The following IRAG1 variants were observed in gnomAD, a reference collection of about 807,000 sequenced individuals.
The protein encoded by IRAG1 is inositol 1,4,5-triphosphate receptor associated 1, also known as IP3R-associated cGMP kinase substrate.
IRAG1 carries 62 observed loss-of-function variants against 106.2 expected under a neutral mutation model. The observed-to-expected ratio is 0.58, with a 90% CI of 0.48 to 0.72. The LOEUF is 0.72. Among genes scored for constraint, IRAG1 ranks in the 30% least tolerant of loss-of-function variants. The pLI is 0.00. For synonymous variants in IRAG1, 462 were observed against 443.9 expected, an observed-to-expected ratio of 1.04 and a Z score of -0.51; for missense variants, 1,064 against 1,140.7, an observed-to-expected ratio of 0.93 and a Z score of 0.97.
At chr11:10,645,231 C>T (rs1333075848) in intron 2 of IRAG1, among the ~76,000 whole-genome samples, 2 of 151,660 alleles carry the variant, frequency 1.3e-5, no homozygotes, top group African/African-American at 4.9e-5. Flanking sequence ...GAATAATCAT[C>T]CCTTGCCTCT....
rs1368620198 is a variant in IRAG1 at position 10,626,456 on chromosome 11, A to C, written c.878T>G (p.Phe293Cys). ...KEIAIEQKEN[F>C]DPLQYPETTP... Reference sequence around the variant, plus strand: ...GGTCTCGGGGTACTGGAGGGGATCGAAGTTTTCCTTTTGTTCTATTGCAAT... The same window carrying C: ...GGTCTCGGGGTACTGGAGGGGATCGCAGTTTTCCTTTTGTTCTATTGCAAT... Residue 293 changes from phenylalanine to cysteine, a missense_variant, in exon 9 of 21, where the codon TTC (phenylalanine) becomes TGC (cysteine). Transcript: ENST00000423302. 9 of 1,613,762 alleles carry C rather than the reference A, an allele frequency of 5.6e-6. No individual in the cohort carries two copies. The African/African-American group carries it at 8.0e-5, about 14-fold the overall frequency.
intron 15 of IRAG1, among the ~76,000 whole-genome samples, chr11:10,599,189 T>C (rs1449008619): frequency 3.9e-5 from 6 of 152,236 alleles, no homozygotes; most frequent in Admixed American, 3.9e-4. Context: ...TCTTCTGTCA[T>C]AGCACTGGCT....
chr11:10,621,077 G>C (rs1855802747), intron 10 of IRAG1, among the ~76,000 whole-genome samples: 1 of 152,204 alleles, frequency 6.6e-6, no homozygotes, highest in Non-Finnish European at 1.5e-5. Flanking sequence ...TTTCAGAATT[G>C]ATGGGGTTGT....
At chr11:10,630,499 G>A (rs530628123) in intron 4 of IRAG1, among the ~76,000 whole-genome samples, 6 of 152,062 alleles carry the variant, frequency 3.9e-5, no homozygotes, top group African/African-American at 4.8e-5. Context: ...AGCCTCGCTC[G>A]TACTTGTTAG....
At chr11:10,604,278 C>T in intron 13 of IRAG1, 127 bp downstream of exon 13, 7 of 1,222,068 alleles carry the variant, frequency 5.7e-6, no homozygotes, top group Non-Finnish European at 8.0e-6. Flanking sequence ...GGAACACTGT[C>T]AGAGTCTTGG....
chr11:10,639,309 A>G (rs1204374188), intron 2 of IRAG1, among the ~76,000 whole-genome samples: 1 of 152,220 alleles, frequency 6.6e-6, no homozygotes, highest in East Asian at 1.9e-4. Context: ...AAAACATGAG[A>G]CTATATAAAT....
chr11:10,681,797 A>G (rs1268789750), intron 1 of IRAG1, among the ~76,000 whole-genome samples: 2 of 152,242 alleles, frequency 1.3e-5, no homozygotes, highest in Non-Finnish European at 2.9e-5. Context: ...GAGAGGTTTC[A>G]TTCATGCATG....
At chr11:10,680,404 G>GGAAGGAAAGAAAGAAA (rs71034778) in intron 1 of IRAG1, among the ~76,000 whole-genome samples, 1 of 82,090 alleles carries the variant, frequency 1.2e-5, no homozygotes, top group African/African-American at 5.9e-5. Context: ...AAGGAAGGAA[G>GGAAGGAAAGAAAGAAA]GAAAGAAAGG....
intron 11 of IRAG1, among the ~76,000 whole-genome samples, chr11:10,609,191 C>G (rs567493678): frequency 3.3e-5 from 5 of 152,310 alleles, no homozygotes; most frequent in Non-Finnish European, 7.4e-5. Context: ...ACCTCCTACC[C>G]AATGCCCCAC....
At chr11:10,589,074 C>T (rs1852354344) in intron 18 of IRAG1, 1 of 152,196 alleles carries the variant, frequency 6.6e-6, no homozygotes, top group Admixed American at 6.5e-5. Flanking sequence ...CCTCCAAGAA[C>T]AAGGCTCAGC....
At chr11:10,602,443 C>T (rs72862346) in intron 14 of IRAG1, among the ~76,000 whole-genome samples, 2,998 of 152,230 alleles carry the variant, frequency 0.02, 43 homozygotes, top group Middle Eastern at 0.078. Context: ...GGTCACACAG[C>T]GAATGAAGGT....
intron 9 of IRAG1, among the ~76,000 whole-genome samples, chr11:10,625,537 G>A (rs927089625): frequency 6.6e-6 from 1 of 152,070 alleles, no homozygotes; most frequent in African/African-American, 2.4e-5. Context: ...GGAAGGCTTG[G>A]GGGCATCACA....
chr11:10,639,514 G>A (rs993036935), intron 2 of IRAG1, among the ~76,000 whole-genome samples: 3 of 152,152 alleles, frequency 2.0e-5, no homozygotes, highest in African/African-American at 7.2e-5. Flanking sequence ...AACCAGCATA[G>A]AAGGAACTTC....
At chr11:10,646,795 G>T (rs1003019994) in intron 2 of IRAG1, among the ~76,000 whole-genome samples, 3 of 152,176 alleles carry the variant, frequency 2.0e-5, no homozygotes, top group African/African-American at 7.2e-5. Flanking sequence ...AGTGCCTCAT[G>T]CATGTGGCCT....
Position 10,627,728 on chromosome 11 carries a change from G to T in IRAG1, c.738C>A (p.His246Gln). ...AGCTCAAACTCACAGGCTCGCCAGG[G>T]TGAGGTGAAGAGACGTCGGCCTCAT... ...KGDEADVSSP[H>Q]PGEPNVPKGL... The change falls in exon 8 of 21, where the codon CAC (histidine) becomes CAA (glutamine). Residue 246 changes from histidine to glutamine, a missense_variant. Coordinates refer to ENST00000423302, the MANE Select transcript of IRAG1 (RefSeq NM_130385.4). 2 of 1,614,014 alleles carry T rather than the reference G, an allele frequency of 1.2e-6. No individual in the cohort carries two copies. The highest frequency in any genetic ancestry group is 1.3e-5 in the African/African-American group (1 of 75,064).
intron 1 of IRAG1, among the ~76,000 whole-genome samples, chr11:10,675,492 A>G (rs777546083): frequency 6.6e-6 from 1 of 152,194 alleles, no homozygotes; most frequent in African/African-American, 2.4e-5. Flanking sequence ...GTGGCTCTCT[A>G]TCACTGAGTT....
intron 2 of IRAG1, among the ~76,000 whole-genome samples, chr11:10,641,758 C>T (rs76550963): frequency 0.024 from 3,609 of 152,282 alleles, 138 homozygotes; most frequent in African/African-American, 0.083. Context: ...AAGTGAAGGC[C>T]ATGAGCATGG....
intron 1 of IRAG1, among the ~76,000 whole-genome samples, chr11:10,686,016 C>T (rs955112823): frequency 6.6e-6 from 1 of 152,084 alleles, no homozygotes; most frequent in East Asian, 1.9e-4. Context: ...AGGTAAGAAG[C>T]CCAGGAAGAC....
rs1455961683 is a variant in IRAG1, at chr11:10,662,617, C to T, written c.68-10435G>A. 2.0e-5 allele frequency among the ~76,000 whole-genome samples: 3 copies of T among 152,252 alleles called. No individual in the cohort carries two copies. In the East Asian group the frequency reaches 5.8e-4, roughly 29 times the overall value. On this transcript the variant is annotated intron_variant, in intron 1 of 20. Transcript: ENST00000423302. Reference sequence around the variant, plus strand: ...CCTCTGGCTCCGCTTGGAATGCTGACCAAAGCATTTCCTCAAACAGTTGGT... The same window carrying T: ...CCTCTGGCTCCGCTTGGAATGCTGATCAAAGCATTTCCTCAAACAGTTGGT...
Sources: gnomAD v4.1 joint callset for allele counts (sites outside exome capture counted in the v4.1 genomes callset) on GRCh38, gnomAD v4.1.1 for gene constraint, MANE v1.5 for transcripts, NCBI Gene and HGNC (gene_info 2026-07-23, HGNC 2026-07-21) for gene names.